Variants in RPS10 observed in about 807,000 individuals in gnomAD.
RPS10 encodes the protein ribosomal protein S10, also known as small ribosomal subunit protein eS10.
A neutral mutation model predicts 22.6 loss-of-function variants in RPS10; 2 were observed. That is an observed-to-expected ratio of 0.09 (90% CI 0.04 to 0.28). The LOEUF is 0.28. Ranked by LOEUF, RPS10 falls within the 10% of genes least tolerant of loss-of-function variation. RPS10 has a pLI of 1.00. For synonymous variants in RPS10, 70 were observed against 75.9 expected (o/e 0.92, Z 0.40); for missense variants, 137 against 222.2 (o/e 0.62, Z 2.44).
intron 3 of RPS10, among the ~76,000 whole-genome samples, chr6:34,423,684 G>A (rs1389239470): frequency 6.6e-6 from 1 of 152,126 alleles, no homozygotes; most frequent in Non-Finnish European, 1.5e-5. Context: ...AGGAGTTCGA[G>A]CCCAGCCTGG....
At chr6:34,425,686 T>C in intron 1 of RPS10, 1 of 190,634 alleles carries the variant, frequency 5.2e-6, no homozygotes, top group Non-Finnish European at 1.1e-5. Context: ...GTCTCCTACC[T>C]ACCACTTCTC....
chr6:34,424,883 T>TG (rs748508073), intron 2 of RPS10, 43 bp from the exon 3 acceptor site: 15 of 1,613,052 alleles, frequency 9.3e-6, no homozygotes, highest in Non-Finnish European at 1.3e-5. Flanking sequence ...AGTAGAAGCT[T>TG]GGATCATCCT....
Position 34,424,823 on chromosome 6 carries a change from G to C in RPS10, c.168C>G (p.Gly56=). 1.2e-6 allele frequency: 2 copies of C among 1,613,988 alleles called. No homozygotes were observed. The highest frequency in any genetic ancestry group is 1.7e-6 in the Non-Finnish European group (2 of 1,180,022). ...MKAMQSLKSR[G]YVKEQFAWRH... ...TCCAGGCAAACTGTTCCTTCACGTAGCCTCGGGACTTGAGAGACTGTAAGG... is the reference window on the plus strand; with the variant it reads ...TCCAGGCAAACTGTTCCTTCACGTACCCTCGGGACTTGAGAGACTGTAAGG... The change falls in exon 3 of 6, where the codon GGC becomes GGG. Residue 56 remains glycine, a synonymous_variant. Transcript: ENST00000648437.
At position 34,417,460 on chromosome 6, in the gene RPS10, T is replaced by G; in HGVS notation, c.*46A>C. On this transcript the variant is annotated 3_prime_UTR_variant, in exon 6 of 6. Coordinates refer to ENST00000648437, the MANE Select transcript of RPS10 (RefSeq NM_001014.5). ...AAACAAAATGGACAAAAGATTAAGG[T>G]TTTTTGGCTGTAAGTTTATTCAATG... 2 of 1,552,674 alleles carry G rather than the reference T, an allele frequency of 1.3e-6. No individual in the cohort carries two copies. Among genetic ancestry groups the G allele is most frequent in the Non-Finnish European group, 8.9e-7 (1 of 1,126,896 alleles).
At chr6:34,420,500 G>A (rs1488538569) in intron 4 of RPS10, among the ~76,000 whole-genome samples, 2 of 152,086 alleles carry the variant, frequency 1.3e-5, no homozygotes, top group Non-Finnish European at 2.9e-5. Context: ...TTACAGGCAT[G>A]AGCCACTGTG....
intron 1 of RPS10, 33 bp from the exon 2 acceptor site, chr6:34,425,254 C>CTCAGAAG: frequency 6.3e-7 from 1 of 1,582,408 alleles, no homozygotes; most frequent in East Asian, 2.3e-5. Flanking sequence ...AAGAGCACTT[C>CTCAGAAG]TGAGTAACGA....
chr6:34,423,211 T>C (rs1049073998), intron 3 of RPS10, among the ~76,000 whole-genome samples: 6 of 152,118 alleles, frequency 3.9e-5, no homozygotes, highest in African/African-American at 1.4e-4. Context: ...CTTGCTTTGT[T>C]GTTCAGGCTG....
intron 4 of RPS10, among the ~76,000 whole-genome samples, chr6:34,421,446 C>G (rs1039932318): frequency 6.6e-6 from 1 of 151,678 alleles, no homozygotes; most frequent in African/African-American, 2.4e-5. Flanking sequence ...GACCCCCCCC[C>G]TCCAACCAAA....
At chr6:34,421,932 G>A (rs1055107587) in intron 3 of RPS10, 125 bp from the exon 4 acceptor site, 20 of 928,970 alleles carry the variant, frequency 2.2e-5, no homozygotes, top group Non-Finnish European at 3.4e-5. Flanking sequence ...ATGGGTTAAT[G>A]GGGACAGGAA....
In RPS10 at chr6:34,418,434, G is replaced by GA. The variant is rs766928999; in HGVS notation, c.401-11dup. ...TTCTTGTCGGCACCAGCTAGAAAGT[G>GA]AAACATCGATTTAGAATCATCATAT... On this transcript the variant is annotated splice_polypyrimidine_tract_variant and intron_variant, in intron 4 of 5. Transcript: ENST00000648437. 56 of 1,614,060 alleles carry GA rather than the reference G, an allele frequency of 3.5e-5. 1 individual carries two copies. Among genetic ancestry groups the GA allele is most frequent in the Admixed American group, 5.0e-5 (3 of 60,000 alleles).
chr6:34,421,920 A>G, intron 3 of RPS10, 113 bp from the exon 4 acceptor site: 5 of 1,093,756 alleles, frequency 4.6e-6, no homozygotes, highest in Non-Finnish European at 7.1e-6. Context: ...CACTTGGTTA[A>G]GATGGGTTAA....
intron 4 of RPS10, among the ~76,000 whole-genome samples, chr6:34,420,682 C>T (rs1047081325): frequency 6.6e-6 from 1 of 152,068 alleles, no homozygotes; most frequent in Non-Finnish European, 1.5e-5. Context: ...TCTTCTTGTA[C>T]ACCTTGCTTT....
intron 4 of RPS10, among the ~76,000 whole-genome samples, chr6:34,419,277 C>T (rs1272342715): frequency 1.2e-4 from 18 of 152,206 alleles, no homozygotes; most frequent in African/African-American, 3.9e-4. Flanking sequence ...CCGCCCACCT[C>T]GGCCTCCTGA....
rs373991330 is a variant in RPS10 at position 34,421,437 on chromosome 6, A to AC, written c.400+292dup. On this transcript the variant is annotated intron_variant, in intron 4 of 5. Coordinates refer to ENST00000648437, the MANE Select transcript of RPS10 (RefSeq NM_001014.5). Reference sequence around the variant, plus strand: ...GACCTCAAGTAATCTGCCCACTTCGACCCCCCCCCTCCAACCAAAGTGCTG... The same window carrying AC: ...GACCTCAAGTAATCTGCCCACTTCGACCCCCCCCCCTCCAACCAAAGTGCTG... Among the ~76,000 whole-genome samples the AC allele has an allele frequency of 8.8e-3, 1,233 of 140,650 alleles. 9 individuals are homozygous for AC. Among genetic ancestry groups the AC allele is most frequent in the African/African-American group, 0.024 (887 of 36,626 alleles). 92.3% of individuals were successfully genotyped at this position (140,650 alleles called of 152,430 possible).
At chr6:34,421,439 C>T (rs542486174) in intron 4 of RPS10, among the ~76,000 whole-genome samples, 3 of 127,284 alleles carry the variant, frequency 2.4e-5, no homozygotes, top group Non-Finnish European at 5.7e-5. Context: ...CCACTTCGAC[C>T]CCCCCCCTCC....
rs2113805419 is a variant in RPS10, at chr6:34,424,790, G to A, written c.201C>T (p.Phe67=). 2 of 1,614,140 alleles carry A rather than the reference G, an allele frequency of 1.2e-6. No individual in the cohort carries two copies. Among genetic ancestry groups the A allele is most frequent in the Non-Finnish European group, 1.7e-6 (2 of 1,180,026 alleles). The part of the protein sequence containing the change: ...YVKEQFAWRH[F]YWYLTNEGIQ... ...TACCCTCATTGGTAAGGTACCAGTA[G>A]AAATGTCTCCAGGCAAACTGTTCCT... Residue 67 remains phenylalanine (F), a synonymous_variant, in exon 3 of 6, where the codon TTC becomes TTT. Transcript: ENST00000648437.
At chr6:34,424,399 A>T in intron 3 of RPS10, 1 of 468,430 alleles carries the variant, frequency 2.1e-6, no homozygotes, top group South Asian at 2.2e-5. Flanking sequence ...AAGTTACTCA[A>T]TATTCTATAC....
chr6:34,423,780 G>A (rs1765850992), intron 3 of RPS10, among the ~76,000 whole-genome samples: 1 of 152,200 alleles, frequency 6.6e-6, no homozygotes, highest in African/African-American at 2.4e-5. Flanking sequence ...GTCTCGGGAG[G>A]CTGAGACAGA....
In RPS10 at chr6:34,417,567, A is replaced by G. The variant is rs746401848; in HGVS notation, c.457-20T>C. ...GCCTCTCTGTAAGAGAAAGCACATC[A>G]CATCAGCATGAGCGGCACTCTGGTT... On this transcript the variant is annotated intron_variant, in intron 5 of 5. Transcript: ENST00000648437. 3 of 1,613,510 alleles carry G rather than the reference A, an allele frequency of 1.9e-6. No homozygotes were observed. Among genetic ancestry groups the G allele is most frequent in the South Asian group, 1.1e-5 (1 of 91,042 alleles).
Sources: allele counts gnomAD v4.1 joint callset (sites outside exome capture counted in the v4.1 genomes callset), GRCh38; gene constraint gnomAD v4.1.1; transcripts MANE v1.5; gene names NCBI Gene and HGNC (gene_info 2026-07-23, HGNC 2026-07-21).